The following EXT1 variants were observed in gnomAD, a reference collection of about 807,000 sequenced individuals.
EXT1 encodes the protein exostosin-1.
A neutral mutation model predicts 82.5 loss-of-function variants in EXT1; 20 were observed. The observed-to-expected ratio is 0.24, with a 90% CI of 0.17 to 0.35. The LOEUF is 0.35. EXT1 is among the 10% of genes least tolerant of loss of function. EXT1 has a pLI of 1.00. For synonymous variants in EXT1, 348 were observed against 350.8 expected (o/e 0.99, Z 0.09); for missense variants, 757 against 936.5 (o/e 0.81, Z 2.50).
At chr8:117,997,504 G>T (rs935768135) in intron 1 of EXT1, among the ~76,000 whole-genome samples, 7 of 151,880 alleles carry the variant, frequency 4.6e-5, no homozygotes, top group African/African-American at 1.7e-4. Context: ...ATAGACCAGG[G>T]TTGAGAACCT....
chr8:117,990,779 C>T (rs189769085), intron 1 of EXT1, among the ~76,000 whole-genome samples: 1 of 152,174 alleles, frequency 6.6e-6, no homozygotes, highest in Non-Finnish European at 1.5e-5. Flanking sequence ...CAGTTTGCAT[C>T]GTTCTAGGCA....
intron 1 of EXT1, among the ~76,000 whole-genome samples, chr8:118,066,821 A>G (rs145284878): frequency 1.3e-5 from 2 of 152,344 alleles, no homozygotes; most frequent in African/African-American, 4.8e-5. Flanking sequence ...TCAGCTTCAC[A>G]GAGGGTCAGC....
At chr8:117,934,338 T>C (rs958477136) in intron 1 of EXT1, among the ~76,000 whole-genome samples, 3 of 152,084 alleles carry the variant, frequency 2.0e-5, no homozygotes, top group African/African-American at 7.2e-5. Flanking sequence ...GAATGGCCCA[T>C]AGCTGGCTTT....
chr8:117,992,842 C>G (rs1350780063), intron 1 of EXT1, among the ~76,000 whole-genome samples: 1 of 152,230 alleles, frequency 6.6e-6, no homozygotes, highest in Non-Finnish European at 1.5e-5. Flanking sequence ...ATCTAAGTCT[C>G]TTCTTCCCGG....
intron 1 of EXT1, among the ~76,000 whole-genome samples, chr8:117,880,132 A>C (rs1168323174): frequency 1.3e-5 from 2 of 152,198 alleles, no homozygotes; most frequent in Non-Finnish European, 2.9e-5. Context: ...TTCTACAAGC[A>C]AGTTTGGTCC....
intron 1 of EXT1, among the ~76,000 whole-genome samples, chr8:118,016,066 C>T (rs185770519): frequency 8.9e-4 from 135 of 152,316 alleles, no homozygotes; most frequent in African/African-American, 3.1e-3. Flanking sequence ...TTCTAGACTT[C>T]GCATCTGTGA....
At chr8:118,100,938 T>C (rs985895288) in intron 1 of EXT1, among the ~76,000 whole-genome samples, 17 of 151,302 alleles carry the variant, frequency 1.1e-4, no homozygotes, top group African/African-American at 4.1e-4. Context: ...ACAGAAACAA[T>C]GGCTGGACTT....
chr8:118,003,126 T>C (rs1277444364), intron 1 of EXT1, among the ~76,000 whole-genome samples: 1 of 152,100 alleles, frequency 6.6e-6, no homozygotes, highest in Admixed American at 6.5e-5. Context: ...TTGGAGGACA[T>C]TATTCTAAGT....
intron 1 of EXT1, among the ~76,000 whole-genome samples, chr8:117,949,204 T>C (rs1424131447): frequency 1.3e-5 from 2 of 152,146 alleles, no homozygotes; most frequent in East Asian, 3.8e-4. Context: ...ATTAAGTATA[T>C]TAGGAATTTG....
At chr8:117,938,902 C>T (rs1377076636) in intron 1 of EXT1, among the ~76,000 whole-genome samples, 1 of 152,238 alleles carries the variant, frequency 6.6e-6, no homozygotes, top group Non-Finnish European at 1.5e-5. Context: ...TTGCAAAGCA[C>T]TCCATCCTAG....
At chr8:117,864,689 C>T (rs751950932) in intron 1 of EXT1, among the ~76,000 whole-genome samples, 5 of 144,390 alleles carry the variant, frequency 3.5e-5, no homozygotes, top group Non-Finnish European at 6.0e-5. Context: ...GCGGAGCTTG[C>T]GGTGAGCGCA....
chr8:118,001,800 A>G (rs549294676), intron 1 of EXT1, among the ~76,000 whole-genome samples: 2 of 152,326 alleles, frequency 1.3e-5, no homozygotes, highest in East Asian at 3.9e-4. Context: ...GAGGGTTACA[A>G]CTACGTAAGA....
At chr8:118,078,919 G>A (rs954995950) in intron 1 of EXT1, among the ~76,000 whole-genome samples, 6 of 152,166 alleles carry the variant, frequency 3.9e-5, no homozygotes, top group Non-Finnish European at 8.8e-5. Flanking sequence ...AACCTACCAT[G>A]TGCAAAAAAA....
intron 1 of EXT1, among the ~76,000 whole-genome samples, chr8:117,873,086 TAA>T (rs951755525): frequency 6.6e-6 from 1 of 152,142 alleles, no homozygotes; most frequent in African/African-American, 2.4e-5. Context: ...ATCTTTTTTA[TAA>T]AAGAGACTGC....
chr8:117,917,902 C>T (rs370348794), intron 1 of EXT1, among the ~76,000 whole-genome samples: 1 of 152,174 alleles, frequency 6.6e-6, no homozygotes, highest in Non-Finnish European at 1.5e-5. Flanking sequence ...CTAACATGTG[C>T]CTTGGGTGGT....
chr8:118,064,424 C>T (rs925300534), intron 1 of EXT1, among the ~76,000 whole-genome samples: 2 of 152,088 alleles, frequency 1.3e-5, no homozygotes, highest in African/African-American at 2.4e-5. Flanking sequence ...TGAGAACATG[C>T]AGTGTTTGGT....
At chr8:117,853,056 T>C (rs1411045336) in intron 1 of EXT1, among the ~76,000 whole-genome samples, 1 of 152,188 alleles carries the variant, frequency 6.6e-6, no homozygotes, top group African/African-American at 2.4e-5. Context: ...CAGAATGCAG[T>C]GCTTTGAGCA....
At chr8:117,860,559 T>C (rs1563582930) in intron 1 of EXT1, among the ~76,000 whole-genome samples, 1 of 152,230 alleles carries the variant, frequency 6.6e-6, no homozygotes, top group Non-Finnish European at 1.5e-5. Flanking sequence ...ATCTATTACA[T>C]AGATAATCTT....
intron 5 of EXT1, among the ~76,000 whole-genome samples, chr8:117,820,046 C>T (rs1438659021): frequency 6.6e-6 from 1 of 152,202 alleles, no homozygotes; most frequent in Non-Finnish European, 1.5e-5. Context: ...TCCTTTGCCC[C>T]TCTTGGTGAT....
Sources: allele counts gnomAD v4.1 joint callset (sites outside exome capture counted in the v4.1 genomes callset), GRCh38; gene constraint gnomAD v4.1.1; transcripts MANE v1.5; gene names NCBI Gene and HGNC (gene_info 2026-07-23, HGNC 2026-07-21).